The following HSD17B11 variants were observed in gnomAD, a reference collection of about 807,000 sequenced individuals.
HSD17B11 encodes estradiol 17-beta-dehydrogenase 11.
In HSD17B11, 22 loss-of-function variants were observed where a neutral mutation model predicts 27.8. The ratio of observed to expected loss-of-function variants is 0.79; its 90% CI spans 0.56 to 1.13. HSD17B11 has a LOEUF of 1.13. HSD17B11 is among the 50% of genes most tolerant of loss of function. The pLI, the probability that HSD17B11 is intolerant of heterozygous loss-of-function variation, is 0.00. For synonymous variants in HSD17B11, 117 were observed against 132.8 expected (o/e 0.88, Z 0.82); for missense variants, 314 against 351.1 (o/e 0.89, Z 0.84).
intron 2 of HSD17B11, 65 bp downstream of exon 2, chr4:87,382,190 G>A (rs1720189340): frequency 7.9e-6 from 9 of 1,141,714 alleles, no homozygotes; most frequent in Non-Finnish European, 1.1e-5. Context: ...TGTACAGACT[G>A]GGTCATCTCC....
At chr4:87,361,086 C>G (rs922645839) in intron 4 of HSD17B11, among the ~76,000 whole-genome samples, 1 of 152,122 alleles carries the variant, frequency 6.6e-6, no homozygotes, top group East Asian at 1.9e-4. Context: ...TGAAACCTAC[C>G]GGGCTGTATT....
Position 87,374,836 on chromosome 4 carries a change from AAAAAT to A in HSD17B11, c.319-11_319-7del, listed in dbSNP as rs760600814. 9 of 1,555,112 alleles carry A rather than the reference AAAAAT, an allele frequency of 5.8e-6. No individual in the cohort carries two copies. Among genetic ancestry groups the A allele is most frequent in the Middle Eastern group, 1.9e-4 (1 of 5,326 alleles). ...TCTCCAATTTCTGCCTTCACCTTCA[AAAAAT>A]AAAATAAGAAAAGTAAATTCATTAA... On this transcript the variant is annotated splice_polypyrimidine_tract_variant and splice_region_variant and intron_variant, in intron 2 of 6. Transcript: ENST00000358290.
intron 2 of HSD17B11, among the ~76,000 whole-genome samples, chr4:87,380,484 A>AAAAAAAAAAAAAG (rs1578046554): frequency 2.9e-5 from 4 of 138,640 alleles, no homozygotes; most frequent in Non-Finnish European, 4.6e-5. Context: ...AAAAAAAAAA[A>AAAAAAAAAAAAAG]AAAAGAAAAA....
At chr4:87,339,799 G>T (rs894062943) in intron 6 of HSD17B11, among the ~76,000 whole-genome samples, 2 of 152,200 alleles carry the variant, frequency 1.3e-5, no homozygotes, top group Non-Finnish European at 2.9e-5. Context: ...ATCAGAATTT[G>T]GGGGAGTTGG....
At chr4:87,379,584 A>G (rs1315577147) in intron 2 of HSD17B11, among the ~76,000 whole-genome samples, 1 of 145,910 alleles carries the variant, frequency 6.9e-6, no homozygotes, top group East Asian at 2.0e-4. Context: ...ATATACATAC[A>G]CAGCATTATA....
At chr4:87,363,058 G>A (rs1735546541) in intron 4 of HSD17B11, among the ~76,000 whole-genome samples, 1 of 152,122 alleles carries the variant, frequency 6.6e-6, no homozygotes. Context: ...GTTTGATATT[G>A]GGTGCTAAGC....
rs186482279 is a variant in HSD17B11, at chr4:87,382,460, A to T, written c.211-98T>A. On this transcript the variant is annotated intron_variant, in intron 1 of 6. Coordinates refer to ENST00000358290, the MANE Select transcript of HSD17B11 (RefSeq NM_016245.5). ...AAAATAATTTTTAAAAAGTAGTGAG[A>T]TTCTTTCCATTTGAATTGGGCAAGA... 1.2e-3 allele frequency: 895 copies of T among 756,410 alleles called. 8 individuals are homozygous for T. In the African/African-American group the frequency reaches 0.013, roughly 11 times the overall value. The allele number at this position is 756,410 out of a possible 1,614,324, so 46.9% of individuals were successfully genotyped here.
chr4:87,363,596 T>G (rs1215313693), intron 4 of HSD17B11, among the ~76,000 whole-genome samples: 2 of 152,224 alleles, frequency 1.3e-5, no homozygotes, highest in Non-Finnish European at 2.9e-5. Flanking sequence ...CGCATGGCAG[T>G]ACCTTCTCTT....
intron 5 of HSD17B11, among the ~76,000 whole-genome samples, chr4:87,344,562 C>T (rs890286060): frequency 1.3e-5 from 2 of 152,134 alleles, no homozygotes; most frequent in Non-Finnish European, 2.9e-5. Flanking sequence ...TAGCCGGGGA[C>T]TTTATTTTCC....
intron 2 of HSD17B11, among the ~76,000 whole-genome samples, chr4:87,381,780 A>G (rs1720178315): frequency 6.6e-6 from 1 of 151,696 alleles, no homozygotes; most frequent in African/African-American, 2.4e-5. Context: ...AAAAAAAGAG[A>G]AAAGAAAAGA....
At chr4:87,356,414 T>G (rs1045047018) in intron 5 of HSD17B11, among the ~76,000 whole-genome samples, 4 of 152,180 alleles carry the variant, frequency 2.6e-5, no homozygotes, top group African/African-American at 7.2e-5. Context: ...TCAATACAAT[T>G]TATTATAATG....
At chr4:87,383,585 G>A (rs1212978346) in intron 1 of HSD17B11, among the ~76,000 whole-genome samples, 4 of 152,106 alleles carry the variant, frequency 2.6e-5, no homozygotes, top group Non-Finnish European at 5.9e-5. Flanking sequence ...GCAAGATCAC[G>A]CTGCCACATG....
chr4:87,359,375 G>C (rs934435844), intron 4 of HSD17B11, among the ~76,000 whole-genome samples: 4 of 152,206 alleles, frequency 2.6e-5, no homozygotes, highest in Non-Finnish European at 4.4e-5. Context: ...GCATTTTGGA[G>C]TTTTTTGGGG....
At chr4:87,378,730 C>A (rs114612993) in intron 2 of HSD17B11, among the ~76,000 whole-genome samples, 4,222 of 139,040 alleles carry the variant, frequency 0.03, 204 homozygotes, top group African/African-American at 0.11. Context: ...TCCAAGAGTT[C>A]GATTATTTTA....
chr4:87,339,525 C>G (rs1035394482), intron 6 of HSD17B11, among the ~76,000 whole-genome samples: 1 of 152,144 alleles, frequency 6.6e-6, no homozygotes, highest in African/African-American at 2.4e-5. Flanking sequence ...CCAAGTGATC[C>G]TGATATCCCA....
intron 6 of HSD17B11, among the ~76,000 whole-genome samples, chr4:87,339,468 A>C (rs1455474220): frequency 1.3e-5 from 2 of 152,228 alleles, no homozygotes; most frequent in Non-Finnish European, 2.9e-5. Flanking sequence ...CATCCATGTT[A>C]AAATCTTTAG....
At position 87,390,957 on chromosome 4, in the gene HSD17B11, G is replaced by A. The variant is rs1720441720; in HGVS notation, c.114C>T (p.Ile38=). The A allele has an allele frequency of 6.2e-7, 1 of 1,614,092 alleles. No homozygotes were observed. Among genetic ancestry groups the A allele is most frequent in the African/African-American group, 1.3e-5 (1 of 75,020 alleles). Residue 38 remains isoleucine, a synonymous_variant, in exon 1 of 7, where the codon ATC becomes ATT. Coordinates refer to ENST00000358290, the MANE Select transcript of HSD17B11 (RefSeq NM_016245.5). Reference sequence around the variant, plus strand: ...CATGCCCAGCTCCTGTAATCAGCACGATTTCGCCGGTGACTGATTTTCTCC... The same window carrying A: ...CATGCCCAGCTCCTGTAATCAGCACAATTTCGCCGGTGACTGATTTTCTCC... ...PKRRKSVTGE[I]VLITGAGHGI... is the part of the protein sequence containing the mutation.
At chr4:87,378,881 AATATATATATATAAATATATATAAATAT>A (rs1277928959) in intron 2 of HSD17B11, among the ~76,000 whole-genome samples, 1 of 15,304 alleles carries the variant, frequency 6.5e-5, no homozygotes, top group Non-Finnish European at 1.1e-4. Context: ...TATATATATA[AATATATATATATAAATATATATAAATAT>A]ATATATATAA....
At chr4:87,382,418 A>T in intron 1 of HSD17B11, 56 bp from the exon 2 acceptor site, 1 of 1,006,172 alleles carries the variant, frequency 9.9e-7, no homozygotes, top group Non-Finnish European at 1.5e-6. Context: ...TATTATATCG[A>T]CAGCTGAAAA....
Sources: gnomAD v4.1 joint callset for allele counts (sites outside exome capture counted in the v4.1 genomes callset) on GRCh38, gnomAD v4.1.1 for gene constraint, MANE v1.5 for transcripts, NCBI Gene and HGNC (gene_info 2026-07-23, HGNC 2026-07-21) for gene names.